KAZN: variants seen among roughly 807,000 people sequenced by gnomAD.
KAZN encodes kazrin.
A neutral mutation model predicts 87.4 loss-of-function variants in KAZN; 40 were observed. That is an observed-to-expected ratio of 0.46 (90% CI 0.36 to 0.60). The LOEUF is 0.60. Ranked by LOEUF, KAZN falls within the 20% of genes least tolerant of loss-of-function variation. The pLI, the probability that KAZN is intolerant of heterozygous loss-of-function variation, is 0.00. For missense variants in KAZN, 898 were observed against 1,073.9 expected, an observed-to-expected ratio of 0.84 and a Z score of 2.29; for synonymous variants, 466 against 458.3, an observed-to-expected ratio of 1.02 and a Z score of -0.22.
chr1:15,112,329 A>ATGTGTGTGTGTG (rs58658629), intron 13 of KAZN, 98 bp from the exon 14 acceptor site: 27 of 638,654 alleles, frequency 4.2e-5, no homozygotes, highest in African/African-American at 3.6e-4. Flanking sequence ...ATTGTCACCA[A>ATGTGTGTGTGTG]TGTGTGTGTG....
At chr1:14,997,588 G>A (rs1433987537) in intron 2 of KAZN, among the ~76,000 whole-genome samples, 1 of 152,172 alleles carries the variant, frequency 6.6e-6, no homozygotes, top group Admixed American at 6.5e-5. Context: ...TCGGCTCCAG[G>A]AGAGCAGGGA....
At chr1:14,030,467 T>C (rs1470990709) in intron 1 of KAZN, among the ~76,000 whole-genome samples, 1 of 150,226 alleles carries the variant, frequency 6.7e-6, no homozygotes, top group Non-Finnish European at 1.5e-5. Flanking sequence ...CATTGGGAGA[T>C]ACACCTAATG....
intron 13 of KAZN, among the ~76,000 whole-genome samples, chr1:15,111,026 G>A (rs1014260665): frequency 5.9e-5 from 9 of 152,102 alleles, no homozygotes; most frequent in South Asian, 2.1e-4. Context: ...GGGGAATTTC[G>A]CCTCCAGGTG....
intron 1 of KAZN, among the ~76,000 whole-genome samples, chr1:14,083,873 T>C (rs143777437): frequency 3.3e-5 from 5 of 152,332 alleles, no homozygotes; most frequent in African/African-American, 9.6e-5. Flanking sequence ...CTCCCACACT[T>C]TCTTCTATTT....
At chr1:14,516,999 C>T (rs1004157863) in intron 2 of KAZN, among the ~76,000 whole-genome samples, 1 of 152,118 alleles carries the variant, frequency 6.6e-6, no homozygotes, top group African/African-American at 2.4e-5. Flanking sequence ...AAACATTGCT[C>T]TTACTTTAGG....
At chr1:14,109,075 A>G (rs1249334421) in intron 1 of KAZN, among the ~76,000 whole-genome samples, 1 of 152,202 alleles carries the variant, frequency 6.6e-6, no homozygotes, top group Admixed American at 6.5e-5. Flanking sequence ...TTACTTAAGG[A>G]CCAAAGTCCT....
At chr1:14,001,296 G>C (rs912373883) in intron 1 of KAZN, among the ~76,000 whole-genome samples, 15 of 152,098 alleles carry the variant, frequency 9.9e-5, no homozygotes, top group African/African-American at 3.6e-4. Flanking sequence ...CAGCTAACAA[G>C]GGATATGAAG....
rs538246905 is a variant in KAZN, at chr1:14,824,645, C to A, written c.227-136039C>A. ...TAATGCAGTCCCCAGAACATGGGCG[C>A]CATTCCAGAAATGGTGGCAGAATGC... On this transcript the variant is annotated intron_variant, in intron 1 of 14. Coordinates refer to ENST00000376030, the MANE Select transcript of KAZN (RefSeq NM_201628.3). 2.0e-5 allele frequency among the ~76,000 whole-genome samples: 3 copies of A among 152,332 alleles called. No homozygotes were observed. The South Asian group carries it at 6.2e-4, about 32-fold the overall frequency.
At chr1:14,473,848 C>T (rs1297994679) in intron 2 of KAZN, among the ~76,000 whole-genome samples, 1 of 152,068 alleles carries the variant, frequency 6.6e-6, no homozygotes, top group Non-Finnish European at 1.5e-5. Flanking sequence ...GTATGGAACC[C>T]TCTGGTTATC....
intron 2 of KAZN, among the ~76,000 whole-genome samples, chr1:14,582,946 G>C (rs944862061): frequency 2.1e-4 from 32 of 152,138 alleles, no homozygotes; most frequent in African/African-American, 7.5e-4. Context: ...GGCAGAGACT[G>C]GGCCTCCTCC....
rs530237400 is a variant in KAZN, at chr1:14,530,112, GA to G, written c.250-68869del. 3.9e-5 allele frequency among the ~76,000 whole-genome samples: 6 copies of G among 152,308 alleles called. No individual in the cohort carries two copies. The South Asian group carries it at 1.2e-3, about 32-fold the overall frequency. On this transcript the variant is annotated intron_variant, in intron 2 of 16. Transcript: ENST00000636203. ...GGGGCCAGGGGAAGCCAGTGATCCTGAACGGAAACCAGCAAAAAGGCAGAGG... is the reference window on the plus strand; with the variant it reads ...GGGGCCAGGGGAAGCCAGTGATCCTGACGGAAACCAGCAAAAAGGCAGAGG...
intron 2 of KAZN, among the ~76,000 whole-genome samples, chr1:14,412,605 C>T (rs1664394962): frequency 6.6e-6 from 1 of 151,744 alleles, no homozygotes; most frequent in African/African-American, 2.4e-5. Flanking sequence ...TATTAAAATA[C>T]ATAAAAGAAG....
chr1:14,748,044 G>T (rs1644309126), intron 1 of KAZN, among the ~76,000 whole-genome samples: 1 of 152,180 alleles, frequency 6.6e-6, no homozygotes, highest in African/African-American at 2.4e-5. Flanking sequence ...ATGACCCAGG[G>T]ATCACCTTTG....
chr1:14,152,186 T>C (rs760790142), intron 1 of KAZN, among the ~76,000 whole-genome samples: 1 of 152,238 alleles, frequency 6.6e-6, no homozygotes, highest in Non-Finnish European at 1.5e-5. Flanking sequence ...AATTCAATTA[T>C]ACTCTTTGAA....
chr1:14,377,291 C>T (rs1660992196), intron 2 of KAZN, among the ~76,000 whole-genome samples: 1 of 152,154 alleles, frequency 6.6e-6, no homozygotes, highest in African/African-American at 2.4e-5. Flanking sequence ...AAGCTTCTGT[C>T]TGTTCCAGAG....
At chr1:14,625,183 T>C (rs975905781) in intron 1 of KAZN, among the ~76,000 whole-genome samples, 1 of 152,150 alleles carries the variant, frequency 6.6e-6, no homozygotes, top group Non-Finnish European at 1.5e-5. Context: ...GGCATTCTTC[T>C]CTTTTTCCTT....
chr1:14,047,140 G>T (rs1027124679), intron 1 of KAZN, among the ~76,000 whole-genome samples: 4 of 152,130 alleles, frequency 2.6e-5, no homozygotes, highest in Non-Finnish European at 5.9e-5. Flanking sequence ...TAAACTCTTT[G>T]TTTAGAAGCG....
intron 8 of KAZN, among the ~76,000 whole-genome samples, chr1:15,076,092 AC>A (rs1476905027): frequency 3.3e-5 from 5 of 152,130 alleles, no homozygotes; most frequent in Non-Finnish European, 7.4e-5. Context: ...GGGCATGTGG[AC>A]CAGGAGGGAA....
chr1:14,391,957 C>A (rs571087494), intron 2 of KAZN, among the ~76,000 whole-genome samples: 2 of 152,314 alleles, frequency 1.3e-5, no homozygotes, highest in East Asian at 3.9e-4. Flanking sequence ...TTCTCTGTCT[C>A]ACTTCTCCAA....
Sources: gnomAD v4.1 joint callset for allele counts (sites outside exome capture counted in the v4.1 genomes callset) on GRCh38, gnomAD v4.1.1 for gene constraint, MANE v1.5 for transcripts, NCBI Gene and HGNC (gene_info 2026-07-23, HGNC 2026-07-21) for gene names.